Variants in HOMER2 observed in about 807,000 individuals in gnomAD.
HOMER2 encodes homer scaffold protein 2.
A neutral mutation model predicts 47.0 loss-of-function variants in HOMER2; 27 were observed. The ratio of observed to expected loss-of-function variants is 0.57; its 90% confidence interval spans 0.42 to 0.79. The LOEUF (loss-of-function observed/expected upper bound fraction) is 0.79. Among genes scored for constraint, HOMER2 ranks in the 30% least tolerant of loss-of-function variants. HOMER2 has a pLI of 0.00. For missense variants in HOMER2, 443 were observed against 435.0 expected (o/e 1.02, Z -0.16); for synonymous variants, 161 against 163.8 (o/e 0.98, Z 0.13).
At chr15:82,928,115 G>T (rs1453312967) in intron 1 of HOMER2, among the ~76,000 whole-genome samples, 1 of 152,082 alleles carries the variant, frequency 6.6e-6, no homozygotes, top group African/African-American at 2.4e-5. Flanking sequence ...TGGTTTCTCT[G>T]CTAGAAATGC....
At chr15:82,976,494 T>A (rs2030206288) in intron 1 of HOMER2, among the ~76,000 whole-genome samples, 1 of 151,928 alleles carries the variant, frequency 6.6e-6, no homozygotes, top group Non-Finnish European at 1.5e-5. Flanking sequence ...CACAGGGTTT[T>A]GCCATTGTTG....
At chr15:82,872,898 A>G (rs1044199120) in intron 3 of HOMER2, among the ~76,000 whole-genome samples, 11 of 152,230 alleles carry the variant, frequency 7.2e-5, no homozygotes, top group African/African-American at 1.7e-4. Context: ...AGCAACATCA[A>G]TGGGTCCAAA....
At chr15:82,835,573 C>T (rs1225262434), downstream of HOMER2, 2 of 152,622 alleles carry the variant, frequency 1.3e-5, no homozygotes, top group East Asian at 3.8e-4. Context: ...GCCAGGTTGC[C>T]CACGGGTCTG....
At chr15:82,919,333 T>C (rs1283393101) in intron 1 of HOMER2, among the ~76,000 whole-genome samples, 4 of 152,216 alleles carry the variant, frequency 2.6e-5, no homozygotes, top group Non-Finnish European at 4.4e-5. Flanking sequence ...AACGGGTTGC[T>C]CGTCCATACA....
At chr15:82,957,667 C>A (rs2054597935), upstream of HOMER2, among the ~76,000 whole-genome samples, 1 of 152,098 alleles carries the variant, frequency 6.6e-6, no homozygotes, top group South Asian at 2.1e-4. Context: ...AGTATGGGAC[C>A]ACCAGCCCTA....
At chr15:82,852,314 G>C in intron 6 of HOMER2, 62 bp from the exon 7 acceptor site, 3 of 1,097,086 alleles carry the variant, frequency 2.7e-6, no homozygotes, top group Non-Finnish European at 4.2e-6. Flanking sequence ...TTAAGCAAGA[G>C]ATCACCACAG....
In HOMER2 at chr15:82,850,164, C is replaced by T. The variant is rs1359730062; in HGVS notation, c.844-261G>A. On this transcript the variant is annotated intron_variant, in intron 8 of 8. Coordinates refer to ENST00000450735, the MANE Select transcript of HOMER2 (RefSeq NM_004839.4). ...ACACCCAGCCTGAAAACCCAAGACC[C>T]AACAAAGCAGGCAGAACGCAGAGTC... Among the ~76,000 whole-genome samples the T allele has an allele frequency of 2.0e-5, 3 of 152,238 alleles. No homozygotes were observed. In the East Asian group the frequency reaches 5.8e-4, roughly 29 times the overall value.
chr15:82,927,612 CA>C (rs1472127348), intron 1 of HOMER2, among the ~76,000 whole-genome samples: 70 of 152,138 alleles, frequency 4.6e-4, no homozygotes, highest in Admixed American at 1.3e-4. Flanking sequence ...TCTACAAGGA[CA>C]GGGGCAAGTA....
intron 3 of HOMER2, among the ~76,000 whole-genome samples, chr15:82,872,665 T>C (rs774911293): frequency 2.0e-4 from 31 of 152,088 alleles, no homozygotes; most frequent in Non-Finnish European, 4.1e-4. Context: ...CTCCACAGCT[T>C]CCCTCACACA....
At chr15:82,960,870 T>C (rs1215548847) in intron 1 of HOMER2, among the ~76,000 whole-genome samples, 2 of 152,150 alleles carry the variant, frequency 1.3e-5, no homozygotes. Context: ...GGGGTCCTCA[T>C]AGTGAGGAAC....
chr15:82,974,615 A>C, intron 1 of HOMER2, among the ~76,000 whole-genome samples: 1 of 152,152 alleles, frequency 6.6e-6, no homozygotes, highest in Middle Eastern at 3.2e-3. Context: ...ATGATATTGC[A>C]CAGGGGCTCC....
At position 82,854,804 on chromosome 15, in the gene HOMER2, C is replaced by T; in HGVS notation, c.495-4G>A. On this transcript the variant is annotated splice_region_variant and splice_polypyrimidine_tract_variant and intron_variant, in intron 5 of 8. Transcript: ENST00000450735. ...CCACTTCTTCACGTTGGCTGCGCTG[C>T]AGGACAGGGACGGGCGGTGACGACG... 1.2e-6 allele frequency: 2 copies of T among 1,607,372 alleles called. No individual in the cohort carries two copies. Among genetic ancestry groups the T allele is most frequent in the African/African-American group, 2.7e-5 (2 of 75,032 alleles).
rs2030520873 is a variant in HOMER2, at chr15:82,984,532, T to C, written n.82+1255A>G. On this transcript the variant is annotated intron_variant and non_coding_transcript_variant, in intron 1 of 1. Transcript: ENST00000500334. ...TGCTAACGTCATGGAAAAAGCACAA[T>C]GTGGGGCTGGGCTCCACGGCTCAGG... Among the ~76,000 whole-genome samples the C allele has an allele frequency of 2.0e-5, 3 of 152,172 alleles. No homozygotes were observed. In the South Asian group the frequency reaches 6.2e-4, roughly 32 times the overall value.
At chr15:82,953,829 G>A (rs2054555871), upstream of HOMER2, among the ~76,000 whole-genome samples, 1 of 152,210 alleles carries the variant, frequency 6.6e-6, no homozygotes, top group Admixed American at 6.5e-5. Context: ...CTTGTAGTGA[G>A]CCGAGATCGC....
chr15:82,945,666 G>GA (rs1313952666), intron 1 of HOMER2, among the ~76,000 whole-genome samples: 1 of 151,582 alleles, frequency 6.6e-6, no homozygotes, highest in Non-Finnish European at 1.5e-5. Flanking sequence ...AAAAAAAAAA[G>GA]AAAAAGAAAA....
chr15:82,894,019 A>T (rs1276443226), intron 1 of HOMER2, among the ~76,000 whole-genome samples: 1 of 151,786 alleles, frequency 6.6e-6, no homozygotes, highest in Admixed American at 6.6e-5. Flanking sequence ...ACCTGACCAA[A>T]CCTTCAAATT....
chr15:82,902,901 C>G (rs1044548479), intron 1 of HOMER2, among the ~76,000 whole-genome samples: 5 of 152,208 alleles, frequency 3.3e-5, no homozygotes, highest in Admixed American at 6.5e-5. Flanking sequence ...ACAAAGCATT[C>G]ACACACAAAT....
chr15:82,896,493 C>T (rs1301426457), intron 1 of HOMER2, among the ~76,000 whole-genome samples: 5 of 152,172 alleles, frequency 3.3e-5, no homozygotes, highest in African/African-American at 1.2e-4. Context: ...AGAAATGCAA[C>T]GATGTTGGAA....
At chr15:82,952,013 G>A in intron 1 of HOMER2, 1 of 980,700 alleles carries the variant, frequency 1.0e-6, no homozygotes, top group Non-Finnish European at 1.2e-6. Flanking sequence ...GCCTCACCTA[G>A]GTTCCTTATA....
Sources: allele counts gnomAD v4.1 joint callset (sites outside exome capture counted in the v4.1 genomes callset), GRCh38; gene constraint gnomAD v4.1.1; transcripts MANE v1.5; gene names NCBI Gene and HGNC (gene_info 2026-07-23, HGNC 2026-07-21).